Variants in NTSR1 observed in about 807,000 individuals in gnomAD.
NTSR1 encodes neurotensin receptor type 1.
NTSR1 carries 29 observed loss-of-function variants against 31.2 expected under a neutral mutation model. The ratio of observed to expected loss-of-function variants is 0.93; its 90% CI spans 0.69 to 1.27. NTSR1 has a LOEUF of 1.27. Among genes scored for constraint, NTSR1 ranks in the 50% most tolerant of loss-of-function variants. The pLI is 0.00. For missense variants in NTSR1, 697 were observed against 595.4 expected (o/e 1.17, Z -1.78); for synonymous variants, 282 against 269.9 (o/e 1.04, Z -0.44).
At chr20:62,738,742 C>G (rs1055887123) in intron 1 of NTSR1, among the ~76,000 whole-genome samples, 1 of 152,234 alleles carries the variant, frequency 6.6e-6, no homozygotes, top group Non-Finnish European at 1.5e-5. Flanking sequence ...CGTCCAGGCT[C>G]ACGCTGGTCC....
rs1375955202 is a variant in NTSR1 at position 62,709,586 on chromosome 20, T to C, written c.379T>C (p.Phe127Leu). The change falls in exon 1 of 4, where the codon TTC (phenylalanine) becomes CTC (leucine). Residue 127 changes from phenylalanine to leucine, a missense_variant. By Grantham distance (22) the Phe-to-Leu change is conservative. Transcript: ENST00000370501. ...GGCCATGCCCGTGGAGCTGTACAAC[T>C]TCATCTGGGTGCACCACCCCTGGGC... ...LLAMPVELYN[F>L]IWVHHPWAFG... 6.2e-7 allele frequency: 1 copy of C among 1,611,596 alleles called. No individual in the cohort carries two copies.
chr20:62,750,703 A>C (rs1385823135), intron 1 of NTSR1, among the ~76,000 whole-genome samples: 1 of 143,030 alleles, frequency 7.0e-6, no homozygotes, highest in South Asian at 2.1e-4. Context: ...AAAAAAAAAA[A>C]AAAAAAAAAC....
chr20:62,725,847 G>A (rs2147136150), intron 1 of NTSR1, among the ~76,000 whole-genome samples: 1 of 152,216 alleles, frequency 6.6e-6, no homozygotes, highest in East Asian at 1.9e-4. Context: ...GGGGGAGGGA[G>A]GAGGAGGGAG....
In NTSR1 at chr20:62,715,420, G is replaced by A. The variant is rs1439737539; in HGVS notation, c.714+5499G>A. ...GGCTGGAGAGAGACAGGGCCTGGAG[G>A]TGCTCTCAGAAGGGAAGGCCTAGCC... On this transcript the variant is annotated intron_variant, in intron 1 of 3. Coordinates refer to ENST00000370501, the MANE Select transcript of NTSR1 (RefSeq NM_002531.3). The surrounding 1 kb of genome is among the most constrained non-coding windows in gnomAD (Gnocchi z 4.7). Among the ~76,000 whole-genome samples, 1 of 152,262 alleles carries A rather than the reference G, an allele frequency of 6.6e-6. No homozygotes were observed. The highest frequency in any genetic ancestry group is 2.4e-5 in the African/African-American group (1 of 41,474).
At position 62,745,081 on chromosome 20, in the gene NTSR1, C is replaced by G. The variant is rs1246126527; in HGVS notation, c.715-9604C>G. ...ACATCCACCCCTAAAACCTCAGACCCAGCCACTGAGGCCCATGGCCCAGAG... is the reference window on the plus strand; with the variant it reads ...ACATCCACCCCTAAAACCTCAGACCGAGCCACTGAGGCCCATGGCCCAGAG... On this transcript the variant is annotated intron_variant, in intron 1 of 3. Coordinates refer to ENST00000370501, the MANE Select transcript of NTSR1 (RefSeq NM_002531.3). The surrounding 1 kb of genome is among the most constrained non-coding windows in gnomAD (Gnocchi z 4.1). 6.6e-6 allele frequency among the ~76,000 whole-genome samples: 1 copy of G among 152,164 alleles called. No individual in the cohort carries two copies. The highest frequency in any genetic ancestry group is 1.5e-5 in the Non-Finnish European group (1 of 68,030).
At chr20:62,727,998 C>T (rs954303472) in intron 1 of NTSR1, among the ~76,000 whole-genome samples, 2 of 152,248 alleles carry the variant, frequency 1.3e-5, no homozygotes, top group East Asian at 1.9e-4. Context: ...CAGGGCTGCC[C>T]CAGGCCCACG....
Position 62,714,163 on chromosome 20 carries a change from G to A in NTSR1, c.714+4242G>A, listed in dbSNP as rs978538308. Among the ~76,000 whole-genome samples the A allele has an allele frequency of 2.0e-5, 3 of 152,230 alleles. No individual in the cohort carries two copies. The highest frequency in any genetic ancestry group is 4.8e-5 in the African/African-American group (2 of 41,456). ...ACAGCCTGCTCCACTCTGACCTCCCGTGAGGACGGGAAGGGGACCCACGCC... is the reference window on the plus strand; with the variant it reads ...ACAGCCTGCTCCACTCTGACCTCCCATGAGGACGGGAAGGGGACCCACGCC... On this transcript the variant is annotated intron_variant, in intron 1 of 3. Coordinates refer to ENST00000370501, the MANE Select transcript of NTSR1 (RefSeq NM_002531.3). This position sits in a 1 kb window ranked among gnomAD's most constrained non-coding sequence, Gnocchi z 4.1.
At chr20:62,754,945 G>A (rs1034599225) in intron 2 of NTSR1, 59 bp downstream of exon 2, 107 of 1,470,018 alleles carry the variant, frequency 7.3e-5, no homozygotes, top group Admixed American at 2.0e-4. Context: ...CAAAGGCAGC[G>A]AGCGCTGAAC....
At position 62,745,107 on chromosome 20, in the gene NTSR1, C is replaced by G. The variant is rs527670672; in HGVS notation, c.715-9578C>G. The stretch of plus-strand genomic sequence containing the variant: ...AGCCACTGAGGCCCATGGCCCAGAG[C>G]CCAGCTACCCAGCCGGCTCCAGGGA... On this transcript the variant is annotated intron_variant, in intron 1 of 3. Transcript: ENST00000370501. The surrounding 1 kb of genome is among the most constrained non-coding windows in gnomAD (Gnocchi z 4.1). 2.6e-5 allele frequency among the ~76,000 whole-genome samples: 4 copies of G among 152,312 alleles called. No homozygotes were observed. The highest frequency in any genetic ancestry group is 9.6e-5 in the African/African-American group (4 of 41,560).
intron 3 of NTSR1, 100 bp from the exon 4 acceptor site, chr20:62,759,918 G>A: frequency 8.4e-7 from 1 of 1,186,788 alleles, no homozygotes; most frequent in African/African-American, 1.5e-5. Flanking sequence ...ATTAGCGTCT[G>A]AGCCACCACG....
Position 62,711,030 on chromosome 20 carries a change from G to A in NTSR1, c.714+1109G>A, listed in dbSNP as rs143230453. ...GCTTCTGTAGTTGCCTGGGCACCCC[G>A]CGTATGCCAGTATGCCCGGTGGGGG... On this transcript the variant is annotated intron_variant, in intron 1 of 3. Transcript: ENST00000370501. The surrounding 1 kb of genome is among the most constrained non-coding windows in gnomAD (Gnocchi z 6.4). Among the ~76,000 whole-genome samples, 39 of 152,290 alleles carry A rather than the reference G, an allele frequency of 2.6e-4. No homozygotes were observed. The East Asian group carries it at 6.6e-3, about 26-fold the overall frequency.
At chr20:62,724,060 C>T (rs867697524) in intron 1 of NTSR1, among the ~76,000 whole-genome samples, 53 of 152,226 alleles carry the variant, frequency 3.5e-4, no homozygotes, top group Non-Finnish European at 6.3e-4. Context: ...GCTGCCCAAA[C>T]GGCCCCACTG....
chr20:62,745,608 GAC>G lies in NTSR1; in HGVS notation c.715-9073_715-9072del, dbSNP rs1015008207. Among the ~76,000 whole-genome samples the G allele has an allele frequency of 6.7e-6, 1 of 149,460 alleles. No homozygotes were observed. Among genetic ancestry groups the G allele is most frequent in the Non-Finnish European group, 1.5e-5 (1 of 67,814 alleles). On this transcript the variant is annotated intron_variant, in intron 1 of 3. Coordinates refer to ENST00000370501, the MANE Select transcript of NTSR1 (RefSeq NM_002531.3). This position sits in a 1 kb window ranked among gnomAD's most constrained non-coding sequence, Gnocchi z 4.1. ...GAAGGAAAACATACAAGGAGACAGA[GAC>G]ACAGAAAAACACAGAGAAAAACACA... is the stretch of plus-strand genomic sequence containing the variant.
At chr20:62,718,080 C>G (rs1341690005) in intron 1 of NTSR1, among the ~76,000 whole-genome samples, 1 of 152,152 alleles carries the variant, frequency 6.6e-6, no homozygotes, top group East Asian at 1.9e-4. Flanking sequence ...GCTGGAGGAA[C>G]AGCGCTGGCC....
In NTSR1 at chr20:62,714,132, T is replaced by TCC. The variant is rs1988669209; in HGVS notation, c.714+4211_714+4212insCC. The stretch of plus-strand genomic sequence containing the variant: ...GCAGAAGAAGTTCTTCAAGGGGTCC[T>TCC]TAGGAACAGCCTGCTCCACTCTGAC... On this transcript the variant is annotated intron_variant, in intron 1 of 3. Coordinates refer to ENST00000370501, the MANE Select transcript of NTSR1 (RefSeq NM_002531.3). This position sits in a 1 kb window ranked among gnomAD's most constrained non-coding sequence, Gnocchi z 4.1. Among the ~76,000 whole-genome samples, 1 of 152,176 alleles carries TCC rather than the reference T, an allele frequency of 6.6e-6. No homozygotes were observed. The highest frequency in any genetic ancestry group is 1.5e-5 in the Non-Finnish European group (1 of 68,024).
Position 62,726,065 on chromosome 20 carries a change from A to G in NTSR1, c.714+16144A>G, listed in dbSNP as rs150084212. Among the ~76,000 whole-genome samples, 503 of 152,316 alleles carry G rather than the reference A, an allele frequency of 3.3e-3. 8 individuals are homozygous for G. The highest frequency in any genetic ancestry group is 0.025 in the East Asian group (128 of 5,180). ...CAGCATTTGGGGTAGAATAAAATGG[A>G]CATGCTCACCTGCCCTTGGGGTTCG... is the stretch of plus-strand genomic sequence containing the variant. On this transcript the variant is annotated intron_variant, in intron 1 of 3. Coordinates refer to ENST00000370501, the MANE Select transcript of NTSR1 (RefSeq NM_002531.3).
At chr20:62,719,323 G>C (rs1423811505) in intron 1 of NTSR1, among the ~76,000 whole-genome samples, 1 of 152,036 alleles carries the variant, frequency 6.6e-6, no homozygotes, top group Non-Finnish European at 1.5e-5. Flanking sequence ...TTAATGTGGT[G>C]AATTATATTG....
chr20:62,709,467 C>A lies in NTSR1; in HGVS notation c.260C>A (p.Thr87Lys), dbSNP rs1988551414. Residue 87 changes from threonine to lysine, a missense_variant, in exon 1 of 4, where the codon ACG (threonine) becomes AAG (lysine). By Grantham distance (78) the Thr-to-Lys change is moderately conservative. Transcript: ENST00000370501. The part of the protein sequence containing the change: ...GTVGNTVTAF[T>K]LARKKSLQSL... ...GTGGGCAACACGGTGACGGCGTTCA[C>A]GCTGGCGCGGAAGAAGTCGCTGCAG... The A allele has an allele frequency of 6.2e-7, 1 of 1,612,620 alleles. No individual in the cohort carries two copies. Among genetic ancestry groups the A allele is most frequent in the Admixed American group, 1.7e-5 (1 of 59,992 alleles).
intron 1 of NTSR1, among the ~76,000 whole-genome samples, chr20:62,748,694 C>T (rs984918440): frequency 3.3e-5 from 5 of 152,114 alleles, no homozygotes; most frequent in African/African-American, 1.2e-4. Context: ...AACTTCATCC[C>T]CAGTGTGGCA....
Sources: gnomAD v4.1 joint callset for allele counts (sites outside exome capture counted in the v4.1 genomes callset) on GRCh38, gnomAD v4.1.1 for gene constraint, Gnocchi (gnomAD v3.1) non-coding constraint, MANE v1.5 for transcripts, NCBI Gene and HGNC (gene_info 2026-07-23, HGNC 2026-07-21) for gene names.